Variants in PLXDC1 observed in about 807,000 individuals in gnomAD.
PLXDC1 encodes the protein plexin domain containing 1.
PLXDC1 carries 39 observed loss-of-function variants against 61.3 expected under a neutral mutation model. The observed-to-expected ratio is 0.64, with a 90% confidence interval of 0.49 to 0.83. PLXDC1 has a LOEUF of 0.83. Ranked by LOEUF, PLXDC1 falls within the 40% of genes least tolerant of loss-of-function variation. The probability of loss-of-function intolerance (pLI) is 0.00; values close to 1 mark genes in which losing one functional copy is unlikely to be tolerated. For synonymous variants in PLXDC1, 212 were observed against 254.5 expected, an observed-to-expected ratio of 0.83 and a Z score of 1.59; for missense variants, 596 against 666.5, an observed-to-expected ratio of 0.89 and a Z score of 1.17.
At chr17:39,147,295 C>A (rs975349831) in intron 1 of PLXDC1, among the ~76,000 whole-genome samples, 3 of 152,186 alleles carry the variant, frequency 2.0e-5, no homozygotes, top group African/African-American at 7.2e-5. Flanking sequence ...TTCTTTATTT[C>A]TTCATGCACT....
chr17:39,129,559 G>A (rs1911466979), intron 2 of PLXDC1, among the ~76,000 whole-genome samples: 1 of 151,474 alleles, frequency 6.6e-6, no homozygotes, highest in Non-Finnish European at 1.5e-5. Flanking sequence ...GGAGGTTGCA[G>A]TGAGCTGAGA....
chr17:39,105,239 C>T (rs1161035315), intron 7 of PLXDC1, among the ~76,000 whole-genome samples: 14 of 152,156 alleles, frequency 9.2e-5, no homozygotes, highest in Admixed American at 7.9e-4. Context: ...GGATGCCTGC[C>T]GCGCTCCCCA....
chr17:39,078,616 A>G (rs1289864660), intron 10 of PLXDC1, among the ~76,000 whole-genome samples: 2 of 152,228 alleles, frequency 1.3e-5, no homozygotes, highest in African/African-American at 4.8e-5. Context: ...TCCACCTAGA[A>G]TCAGTGTTGA....
At position 39,065,884 on chromosome 17, in the gene PLXDC1, G is replaced by C. The variant is rs1373946788; in HGVS notation, c.*1956C>G. 1 of 152,720 alleles carries C rather than the reference G, an allele frequency of 6.5e-6. No homozygotes were observed. Among genetic ancestry groups the C allele is most frequent in the African/African-American group, 2.4e-5 (1 of 41,444 alleles). 9.5% of individuals were successfully genotyped at this position (152,720 alleles called of 1,614,324 possible). ...ACCCCTACGCCTCCCCACCCCACAG[G>C]CACATGCAGGCTCCAGGGAAAGCAA... On this transcript the variant is annotated 3_prime_UTR_variant, in exon 14 of 14. Transcript: ENST00000315392.
At chr17:39,149,906 A>C (rs1331119970) in intron 1 of PLXDC1, among the ~76,000 whole-genome samples, 2 of 151,618 alleles carry the variant, frequency 1.3e-5, no homozygotes, top group Non-Finnish European at 2.9e-5. Context: ...AACATATCCA[A>C]CTCTCTCCTG....
chr17:39,097,902 TAAA>T (rs71141758), intron 7 of PLXDC1, among the ~76,000 whole-genome samples: 20 of 102,708 alleles, frequency 1.9e-4, no homozygotes, highest in African/African-American at 6.4e-4. Flanking sequence ...ACCCTGTCTA[TAAA>T]AAAAAAAAAA....
At chr17:39,081,965 G>A (rs1909579532) in intron 9 of PLXDC1, among the ~76,000 whole-genome samples, 2 of 152,180 alleles carry the variant, frequency 1.3e-5, no homozygotes, top group Admixed American at 1.3e-4. Flanking sequence ...AACTGCTTGA[G>A]GAGTTTAAAT....
intron 1 of PLXDC1, among the ~76,000 whole-genome samples, chr17:39,143,293 C>T (rs1157668823): frequency 6.6e-6 from 1 of 152,118 alleles, no homozygotes; most frequent in Admixed American, 6.5e-5. Flanking sequence ...CTGACATTCC[C>T]CACCTATGAC....
chr17:39,107,168 C>T (rs1035212216), intron 6 of PLXDC1, among the ~76,000 whole-genome samples: 1 of 152,228 alleles, frequency 6.6e-6, no homozygotes, highest in African/African-American at 2.4e-5. Flanking sequence ...TCAGCTAGCA[C>T]CAGGCACCTC....
intron 2 of PLXDC1, among the ~76,000 whole-genome samples, chr17:39,111,249 G>A (rs2143703068): frequency 1.3e-5 from 2 of 152,196 alleles, no homozygotes; most frequent in South Asian, 4.1e-4. Flanking sequence ...TTCTCCCCTT[G>A]ACAGATTCCT....
chr17:39,122,114 G>GT (rs1911180584), intron 2 of PLXDC1, among the ~76,000 whole-genome samples: 3 of 75,930 alleles, frequency 4.0e-5, no homozygotes, highest in African/African-American at 7.2e-5. Flanking sequence ...AAAAAAAAGG[G>GT]GGGGGGGACT....
chr17:39,138,727 T>C (rs973297562), intron 2 of PLXDC1, among the ~76,000 whole-genome samples: 5 of 152,052 alleles, frequency 3.3e-5, no homozygotes, highest in Non-Finnish European at 7.4e-5. Flanking sequence ...TTAACCTTTT[T>C]TTTTTTTAAC....
intron 2 of PLXDC1, among the ~76,000 whole-genome samples, chr17:39,110,406 G>T (rs943235060): frequency 1.3e-5 from 2 of 152,218 alleles, no homozygotes; most frequent in Non-Finnish European, 2.9e-5. Flanking sequence ...ATGGGCTGGG[G>T]GTTCATTCTG....
Position 39,151,555 on chromosome 17 carries a change from G to C in PLXDC1, c.-118C>G. The C allele has an allele frequency of 6.6e-6, 8 of 1,204,816 alleles. No individual in the cohort carries two copies. Among genetic ancestry groups the C allele is most frequent in the Non-Finnish European group, 7.2e-6 (7 of 970,518 alleles). 74.6% of individuals were successfully genotyped at this position (1,204,816 alleles called of 1,614,324 possible). ...GGGCTGGCGGAGGGGCGGGCGGCGAGGAGACGGCGGAGCGCGGGGCCGGGC... is the reference window on the plus strand; with the variant it reads ...GGGCTGGCGGAGGGGCGGGCGGCGACGAGACGGCGGAGCGCGGGGCCGGGC... On this transcript the variant is annotated 5_prime_UTR_variant, in exon 1 of 14. Coordinates refer to ENST00000315392, the MANE Select transcript of PLXDC1 (RefSeq NM_020405.5). The surrounding 1 kb of genome is among the most constrained non-coding windows in gnomAD (Gnocchi z 5.2).
intron 1 of PLXDC1, among the ~76,000 whole-genome samples, chr17:39,143,445 A>T (rs1911998384): frequency 6.6e-6 from 1 of 152,148 alleles, no homozygotes; most frequent in Non-Finnish European, 1.5e-5. Flanking sequence ...TCTCCCTGGT[A>T]GATTTGAGTT....
intron 11 of PLXDC1, among the ~76,000 whole-genome samples, chr17:39,073,776 CT>C (rs1431616327): frequency 1.3e-5 from 2 of 152,228 alleles, no homozygotes; most frequent in African/African-American, 4.8e-5. Context: ...TCAAGGTGTT[CT>C]GTTCTGTTGC....
chr17:39,145,430 C>T (rs2045333798), intron 1 of PLXDC1, among the ~76,000 whole-genome samples: 1 of 152,210 alleles, frequency 6.6e-6, no homozygotes, highest in Admixed American at 6.5e-5. Flanking sequence ...GCATCCCAGC[C>T]CTGGGCCACC....
chr17:39,122,169 G>A (rs964236755), intron 2 of PLXDC1, among the ~76,000 whole-genome samples: 3 of 150,618 alleles, frequency 2.0e-5, no homozygotes, highest in Admixed American at 6.6e-5. Context: ...TTGGGAGGCC[G>A]AGGTAGGCGG....
intron 2 of PLXDC1, among the ~76,000 whole-genome samples, chr17:39,119,702 A>G (rs1351050152): frequency 6.6e-6 from 1 of 152,116 alleles, no homozygotes; most frequent in Non-Finnish European, 1.5e-5. Context: ...CCAAGATCGC[A>G]CCACTGCACC....
Sources: allele counts gnomAD v4.1 joint callset (sites outside exome capture counted in the v4.1 genomes callset), GRCh38; gene constraint gnomAD v4.1.1; non-coding constraint Gnocchi (gnomAD v3.1); transcripts MANE v1.5; gene names NCBI Gene and HGNC (gene_info 2026-07-23, HGNC 2026-07-21).